MBD5: variants seen among roughly 807,000 people sequenced by gnomAD.
MBD5 encodes the protein methyl-CpG-binding domain protein 5.
In MBD5, 13 loss-of-function variants were observed where a neutral mutation model predicts 117.3. That is an observed-to-expected ratio of 0.11 (90% confidence interval 0.07 to 0.18). The LOEUF (loss-of-function observed/expected upper bound fraction) is 0.18, where lower values mean the gene tolerates loss of function less well. MBD5 is among the 10% of genes least tolerant of loss of function. The probability of loss-of-function intolerance (pLI) is 1.00; values close to 1 mark genes in which losing one functional copy is unlikely to be tolerated. For missense variants in MBD5, 1,879 were observed against 2,093.8 expected, an observed-to-expected ratio of 0.90 and a Z score of 2.00; for synonymous variants, 727 against 766.4, an observed-to-expected ratio of 0.95 and a Z score of 0.85.
At chr2:148,247,792 A>G (rs1700373142) in intron 3 of MBD5, among the ~76,000 whole-genome samples, 2 of 152,198 alleles carry the variant, frequency 1.3e-5, no homozygotes, top group Non-Finnish European at 2.9e-5. Context: ...AAAAAGGATT[A>G]AAGATATTCT....
intron 12 of MBD5, among the ~76,000 whole-genome samples, chr2:148,508,472 G>A (rs1468149329): frequency 6.6e-6 from 1 of 151,778 alleles, no homozygotes; most frequent in Non-Finnish European, 1.5e-5. Flanking sequence ...AGTTGAGGGG[G>A]GAAGGTGAGG....
chr2:148,461,696 G>A (rs1393916160), intron 5 of MBD5, among the ~76,000 whole-genome samples: 1 of 152,162 alleles, frequency 6.6e-6, no homozygotes, highest in Non-Finnish European at 1.5e-5. Flanking sequence ...ACATGTTAAT[G>A]TAAAGTCCTA....
At chr2:148,236,704 G>A (rs114076313) in intron 3 of MBD5, among the ~76,000 whole-genome samples, 1 of 152,144 alleles carries the variant, frequency 6.6e-6, no homozygotes, top group Non-Finnish European at 1.5e-5. Context: ...TGGTAAATGA[G>A]CATTGGCTTG....
At chr2:148,188,841 G>A (rs1374709088) in intron 2 of MBD5, among the ~76,000 whole-genome samples, 1 of 151,982 alleles carries the variant, frequency 6.6e-6, no homozygotes, top group African/African-American at 2.4e-5. Flanking sequence ...TTCCATCTGA[G>A]GTACCGGGTT....
chr2:148,270,159 A>G (rs1558999098), intron 3 of MBD5, among the ~76,000 whole-genome samples: 1 of 151,862 alleles, frequency 6.6e-6, no homozygotes, highest in Non-Finnish European at 1.5e-5. Flanking sequence ...ATGCCTGTTT[A>G]CTTTTTAAAT....
intron 4 of MBD5, among the ~76,000 whole-genome samples, chr2:148,351,226 A>G (rs1237253369): frequency 6.6e-6 from 1 of 151,868 alleles, no homozygotes; most frequent in Non-Finnish European, 1.5e-5. Flanking sequence ...CATTTTCATC[A>G]CTCCAAAAAG....
At chr2:148,293,499 C>T (rs958432686) in intron 3 of MBD5, among the ~76,000 whole-genome samples, 2 of 152,034 alleles carry the variant, frequency 1.3e-5, no homozygotes, top group South Asian at 2.1e-4. Flanking sequence ...TCATGTACCC[C>T]GTAAATATAT....
intron 1 of MBD5, among the ~76,000 whole-genome samples, chr2:148,051,252 T>C (rs1694690593): frequency 6.6e-6 from 1 of 152,174 alleles, no homozygotes; most frequent in South Asian, 2.1e-4. Context: ...ATACAACTGC[T>C]TTTTGCATAT....
intron 1 of MBD5, among the ~76,000 whole-genome samples, chr2:148,088,847 C>A (rs1012436843): frequency 6.6e-6 from 1 of 152,050 alleles, no homozygotes; most frequent in Admixed American, 6.5e-5. Context: ...TGAAGTACCT[C>A]AAATCTCCAT....
At chr2:148,360,616 C>G (rs1234620443) in intron 4 of MBD5, among the ~76,000 whole-genome samples, 1 of 151,830 alleles carries the variant, frequency 6.6e-6, no homozygotes, top group Non-Finnish European at 1.5e-5. Flanking sequence ...CTTTTTTTCC[C>G]CTATTCACAG....
In MBD5 at chr2:148,021,449, CTTTGCTGCTGCT is replaced by C. The variant is rs1469283297; in HGVS notation, c.-1159_-1148del. 1.7e-6 allele frequency: 1 copy of C among 571,742 alleles called. No individual in the cohort carries two copies. 35.4% of individuals were successfully genotyped at this position (571,742 alleles called of 1,614,324 possible). A position where few individuals can be genotyped will look rare whatever the true frequency, so the allele number is the denominator to read the frequency against. On this transcript the variant is annotated 5_prime_UTR_variant, in exon 1 of 14. Transcript: ENST00000642680. ...CAAAAGCCTCTTAGCAACACAGACC[CTTTGCTGCTGCT>C]GTTGCTGCTGCTGCTGCTGTTGCTG...
At chr2:148,186,772 T>C (rs949837257) in intron 2 of MBD5, among the ~76,000 whole-genome samples, 3 of 151,938 alleles carry the variant, frequency 2.0e-5, no homozygotes, top group African/African-American at 7.3e-5. Context: ...CCAAGAATTA[T>C]AAGACATGAA....
intron 1 of MBD5, among the ~76,000 whole-genome samples, chr2:148,136,930 T>G (rs1394718777): frequency 6.6e-6 from 1 of 152,042 alleles, no homozygotes; most frequent in African/African-American, 2.4e-5. Context: ...GTCTGGCTAA[T>G]TTTGTATTTT....
Position 148,469,570 on chromosome 2 carries a change from A to G in MBD5, c.1627A>G (p.Thr543Ala), listed in dbSNP as rs1414607857. The G allele has an allele frequency of 1.2e-6, 2 of 1,613,728 alleles. No homozygotes were observed. The highest frequency in any genetic ancestry group is 1.7e-5 in the Admixed American group (1 of 59,976). The change falls in exon 8 of 14, where the codon ACT (threonine) becomes GCT (alanine). Residue 543 changes from threonine to alanine, a missense_variant. By Grantham distance (58) the Thr-to-Ala change is moderately conservative. Around this residue, in one of 4 missense-constraint regions of MBD5, gnomAD observed 1,666 missense variants for 1,792.2 expected, o/e 0.93. Coordinates refer to ENST00000642680, the MANE Select transcript of MBD5 (RefSeq NM_001378120.1). ...LNTPSSAAFP[T>A]ASAGSSSVKS... ...TACCCCAAGCAGTGCAGCTTTTCCT[A>G]CTGCATCTGCCGGAAGTAGTTCTGT...
chr2:148,301,915 C>G (rs948537840), intron 3 of MBD5, among the ~76,000 whole-genome samples: 6 of 151,996 alleles, frequency 3.9e-5, no homozygotes, highest in Admixed American at 3.9e-4. Context: ...GTGTTTCTAT[C>G]TATTGGGAGA....
At position 148,428,512 on chromosome 2, in the gene MBD5, A is replaced by G. The variant is rs568882846; in HGVS notation, c.-556-29691A>G. Among the ~76,000 whole-genome samples, 14 of 152,286 alleles carry G rather than the reference A, an allele frequency of 9.2e-5. No homozygotes were observed. In the South Asian group the frequency reaches 2.9e-3, roughly 32 times the overall value. ...AAAACTACCTTAAATTTCATATGGA[A>G]CCAAAAAAGAGCCCTTATAGCCAAG... On this transcript the variant is annotated intron_variant, in intron 4 of 13. Transcript: ENST00000642680.
intron 2 of MBD5, among the ~76,000 whole-genome samples, chr2:148,206,559 T>G (rs1379723012): frequency 6.6e-6 from 1 of 152,190 alleles, no homozygotes; most frequent in Non-Finnish European, 1.5e-5. Context: ...TTATTCCTTC[T>G]ATCTAATGGT....
intron 4 of MBD5, among the ~76,000 whole-genome samples, chr2:148,431,080 C>A (rs997038649): frequency 1.3e-5 from 2 of 152,080 alleles, no homozygotes; most frequent in Non-Finnish European, 2.9e-5. Context: ...AACAAGAACT[C>A]AAAGCCACTT....
intron 1 of MBD5, among the ~76,000 whole-genome samples, chr2:148,105,016 C>T (rs1696330863): frequency 6.6e-6 from 1 of 151,972 alleles, no homozygotes; most frequent in South Asian, 2.1e-4. Context: ...TAGATATTTA[C>T]TGTTGAGCCC....
Sources: gnomAD v4.1 joint callset for allele counts (sites outside exome capture counted in the v4.1 genomes callset) on GRCh38, gnomAD v4.1.1 for gene constraint, gnomAD v4.1.1 regional missense constraint, MANE v1.5 for transcripts, NCBI Gene and HGNC (gene_info 2026-07-23, HGNC 2026-07-21) for gene names.